The following TTLL9 variants were observed in gnomAD, a reference collection of about 807,000 sequenced individuals.
TTLL9 encodes tubulin tyrosine ligase like 9, also known as probable tubulin polyglutamylase TTLL9.
TTLL9 carries 47 observed loss-of-function variants against 65.6 expected under a neutral mutation model. That is an observed-to-expected ratio of 0.72 (90% CI 0.57 to 0.91). TTLL9 has a LOEUF of 0.91. Ranked by LOEUF, TTLL9 falls within the 40% of genes least tolerant of loss-of-function variation. The pLI is 0.00. For synonymous variants in TTLL9, 179 were observed against 204.8 expected (o/e 0.87, Z 1.07); for missense variants, 537 against 568.8 (o/e 0.94, Z 0.57).
chr20:31,879,890 G>C (rs750905662), intron 2 of TTLL9: 2 of 1,550,384 alleles, frequency 1.3e-6, no homozygotes, highest in Admixed American at 3.9e-5. Context: ...GTTATGTCGC[G>C]ACCGAAGGTA....
At chr20:31,913,915 G>A (rs908511163) in intron 6 of TTLL9, among the ~76,000 whole-genome samples, 8 of 152,258 alleles carry the variant, frequency 5.3e-5, no homozygotes, top group African/African-American at 1.7e-4. Context: ...GCTCCAGCCC[G>A]CCTCGTGGTG....
In TTLL9 at chr20:31,934,378, G is replaced by A. The variant is rs751544834; in HGVS notation, c.808-314G>A. On this transcript the variant is annotated intron_variant, in intron 11 of 14. Coordinates refer to ENST00000535842, the MANE Select transcript of TTLL9 (RefSeq NM_001008409.5). ...ACAGCCCTGAAAATGGCAGCCTGTC[G>A]GTCACTCCTTGGCCTTGGGATGCAC... The A allele has an allele frequency of 9.2e-5, 51 of 554,282 alleles. 1 individual carries two copies. The highest frequency in any genetic ancestry group is 5.8e-4 in the South Asian group (38 of 65,422). 34.3% of individuals were successfully genotyped at this position (554,282 alleles called of 1,614,324 possible). A position where few individuals can be genotyped will look rare whatever the true frequency, so the allele number is the denominator to read the frequency against.
intron 3 of TTLL9, among the ~76,000 whole-genome samples, chr20:31,894,600 T>C (rs114924265): frequency 1.1e-3 from 160 of 152,328 alleles, no homozygotes; most frequent in African/African-American, 3.6e-3. Context: ...GTTATATTTT[T>C]AGAACTGCAC....
Position 31,873,749 on chromosome 20 carries a change from GAAGA to G in TTLL9, c.69+2571_69+2574del, listed in dbSNP as rs372535799. Among the ~76,000 whole-genome samples, 293 of 126,430 alleles carry G rather than the reference GAAGA, an allele frequency of 2.3e-3. 2 individuals are homozygous for G. Among genetic ancestry groups the G allele is most frequent in the South Asian group, 0.014 (56 of 3,900 alleles). 82.9% of individuals were successfully genotyped at this position (126,430 alleles called of 152,430 possible). On this transcript the variant is annotated intron_variant, in intron 2 of 14. Coordinates refer to ENST00000535842, the MANE Select transcript of TTLL9 (RefSeq NM_001008409.5). ...AAGAAAGAAAGAAAAAGGAAGGAAG[GAAGA>G]AAGAAAGAAAGAAAGAGAAAGAAAG...
chr20:31,879,756 A>T, intron 2 of TTLL9: 1 of 1,486,640 alleles, frequency 6.7e-7, no homozygotes, highest in South Asian at 1.2e-5. Flanking sequence ...CTCCGCCGAG[A>T]GCATGCCCTT....
Position 31,933,826 on chromosome 20 carries a change from CA to C in TTLL9, c.781del (p.Thr261HisfsTer52), listed in dbSNP as rs1244292754. 2 of 1,613,924 alleles carry C rather than the reference CA, an allele frequency of 1.2e-6. No individual in the cohort carries two copies. Among genetic ancestry groups the C allele is most frequent in the South Asian group, 1.1e-5 (1 of 91,072 alleles). The stretch of plus-strand genomic sequence containing the variant: ...TGTTCACCTCACCAACGTGGCTGTG[CA>C]AAAAACATCTCCCGACTACCACCCA... ...QDVHLTNVAV[Q>X]KTSPDYHPKK... On this transcript the variant is annotated frameshift_variant, in exon 11 of 15. Coordinates refer to ENST00000535842, the MANE Select transcript of TTLL9 (RefSeq NM_001008409.5). LOFTEE classifies it high-confidence loss of function.
chr20:31,914,794 C>T (rs943375644), intron 6 of TTLL9, among the ~76,000 whole-genome samples: 3 of 152,150 alleles, frequency 2.0e-5, no homozygotes, highest in East Asian at 1.9e-4. Flanking sequence ...CAGGAATGGC[C>T]GGTCTTCATA....
chr20:31,933,772 C>T (rs1314389683), intron 10 of TTLL9, 28 bp from the exon 11 acceptor site: 1 of 1,611,352 alleles, frequency 6.2e-7, no homozygotes, highest in Admixed American at 1.7e-5. Context: ...TTTGTTCACG[C>T]TGACCCTTGA....
At chr20:31,938,651 GC>G (rs2064156451) in intron 13 of TTLL9, among the ~76,000 whole-genome samples, 1 of 152,224 alleles carries the variant, frequency 6.6e-6, no homozygotes, top group Non-Finnish European at 1.5e-5. Flanking sequence ...GCCGAGGCGG[GC>G]AGATCACTTG....
At chr20:31,923,985 C>T (rs767813534) in intron 8 of TTLL9, among the ~76,000 whole-genome samples, 16 of 152,262 alleles carry the variant, frequency 1.1e-4, no homozygotes, top group Non-Finnish European at 2.4e-4. Context: ...CCACTCAAAC[C>T]CAACACATCC....
Position 31,943,732 on chromosome 20 carries a change from C to G in TTLL9, c.*711C>G, listed in dbSNP as rs1428357181. 1 of 456,714 alleles carries G rather than the reference C, an allele frequency of 2.2e-6. No homozygotes were observed. Among genetic ancestry groups the G allele is most frequent in the South Asian group, 1.5e-5 (1 of 64,568 alleles). The allele number at this position is 456,714 out of a possible 1,614,324, so 28.3% of individuals were successfully genotyped here. ...AGGGTCTCTGCAAAGGTGCATTTAT[C>G]TAAGTCAGATGGGTGACTTAAGTGC... On this transcript the variant is annotated 3_prime_UTR_variant, in exon 15 of 15. Transcript: ENST00000535842.
Position 31,939,270 on chromosome 20 carries a change from T to C in TTLL9, c.1243+4T>C. On this transcript the variant is annotated splice_donor_region_variant and intron_variant, in intron 14 of 14. Coordinates refer to ENST00000535842, the MANE Select transcript of TTLL9 (RefSeq NM_001008409.5). ...TTTGTGACCAACACACATCTCGGTA[T>C]GTAGGGCCAGGTGGGGAGTGGGCAC... is the stretch of plus-strand genomic sequence containing the variant. The C allele has an allele frequency of 6.2e-7, 1 of 1,612,388 alleles. No individual in the cohort carries two copies. Among genetic ancestry groups the C allele is most frequent in the African/African-American group, 1.3e-5 (1 of 74,854 alleles).
Position 31,944,114 on chromosome 20 carries a change from C to T in TTLL9, c.*1093C>T. On this transcript the variant is annotated 3_prime_UTR_variant, in exon 15 of 15. Coordinates refer to ENST00000535842, the MANE Select transcript of TTLL9 (RefSeq NM_001008409.5). ...GACTTTAGGAAAGCCAGAAGCCAGG[C>T]TACTCTAGACCTTCTGCCTTCAGAG... The T allele has an allele frequency of 3.1e-6, 1 of 320,758 alleles. No individual in the cohort carries two copies. The highest frequency in any genetic ancestry group is 6.2e-6 in the Non-Finnish European group (1 of 160,826). The allele number at this position is 320,758 out of a possible 1,614,324, so 19.9% of individuals were successfully genotyped here.
chr20:31,933,686 C>G, intron 10 of TTLL9, 114 bp from the exon 11 acceptor site: 1 of 963,836 alleles, frequency 1.0e-6, no homozygotes, highest in African/African-American at 1.6e-5. Context: ...CACACACGAC[C>G]GTGGAGCTAT....
At position 31,898,528 on chromosome 20, in the gene TTLL9, G is replaced by C. The variant is rs543250716; in HGVS notation, c.169G>C (p.Val57Leu). ...KTTLMNTLMDVLRHRPGWVEV... is the reference protein window; with the variant it reads ...KTTLMNTLMDLLRHRPGWVEV... The stretch of plus-strand genomic sequence containing the variant: ...CACCCTCATGAACACACTCATGGAC[G>C]TCCTTCGCCACAGGCCAGGATGGGT... Residue 57 changes from valine to leucine, a missense_variant, in exon 4 of 15, where the codon GTC (valine) becomes CTC (leucine). Physicochemically the swap from Val to Leu is conservative, Grantham distance 32. Coordinates refer to ENST00000535842, the MANE Select transcript of TTLL9 (RefSeq NM_001008409.5). 17 of 1,614,198 alleles carry C rather than the reference G, an allele frequency of 1.1e-5. No homozygotes were observed. The highest frequency in any genetic ancestry group is 8.8e-5 in the South Asian group (8 of 91,082).
intron 7 of TTLL9, 93 bp downstream of exon 7, chr20:31,920,025 C>T (rs985605256): frequency 8.3e-7 from 1 of 1,200,030 alleles, no homozygotes; most frequent in East Asian, 2.8e-5. Flanking sequence ...GCTCAGAGGG[C>T]TGGCAGAGAA....
intron 2 of TTLL9, among the ~76,000 whole-genome samples, chr20:31,880,200 C>G (rs1255327592): frequency 1.3e-5 from 2 of 152,284 alleles, no homozygotes; most frequent in African/African-American, 4.8e-5. Context: ...AGCTCCGTGA[C>G]CCCAGGGGAA....
intron 4 of TTLL9, among the ~76,000 whole-genome samples, chr20:31,902,191 A>AT (rs1360450210): frequency 6.6e-6 from 1 of 152,070 alleles, no homozygotes; most frequent in African/African-American, 2.4e-5. Context: ...AAGAAACCCC[A>AT]TACCCACTAG....
At chr20:31,922,845 C>T in intron 7 of TTLL9, 118 bp from the exon 8 acceptor site, 1 of 749,412 alleles carries the variant, frequency 1.3e-6, no homozygotes, top group South Asian at 1.6e-5. Context: ...TTAGTACTTA[C>T]CTGACAGGGT....
Sources: allele counts gnomAD v4.1 joint callset (sites outside exome capture counted in the v4.1 genomes callset), GRCh38; gene constraint gnomAD v4.1.1; transcripts MANE v1.5; gene names NCBI Gene and HGNC (gene_info 2026-07-23, HGNC 2026-07-21).